The following WDR49 variants were observed in gnomAD, a reference collection of about 807,000 sequenced individuals.
WDR49 encodes WD repeat domain 49.
A neutral mutation model predicts 119.5 loss-of-function variants in WDR49; 107 were observed. The ratio of observed to expected loss-of-function variants is 0.90; its 90% confidence interval spans 0.77 to 1.05. The LOEUF (loss-of-function observed/expected upper bound fraction) is 1.05, where lower values mean the gene tolerates loss of function less well. Among genes scored for constraint, WDR49 ranks in the 50% least tolerant of loss-of-function variants. The pLI, the probability that WDR49 is intolerant of heterozygous loss-of-function variation, is 0.00. For synonymous variants in WDR49, 425 were observed against 418.8 expected, an observed-to-expected ratio of 1.01 and a Z score of -0.18; for missense variants, 1,240 against 1,220.5, an observed-to-expected ratio of 1.02 and a Z score of -0.24.
upstream of WDR49, among the ~76,000 whole-genome samples, chr3:167,656,403 T>C (rs1269942641): frequency 6.6e-6 from 1 of 152,186 alleles, no homozygotes; most frequent in Non-Finnish European, 1.5e-5. Flanking sequence ...TGGGCTTAGT[T>C]CAGTAGCAGA....
At chr3:167,574,270 G>A (rs887226703) in intron 8 of WDR49, among the ~76,000 whole-genome samples, 3 of 152,118 alleles carry the variant, frequency 2.0e-5, no homozygotes, top group African/African-American at 4.8e-5. Context: ...TTCTTGGTAC[G>A]ACACTTGTTC....
chr3:167,595,247 C>T lies in WDR49; in HGVS notation c.1275+6880G>A, dbSNP rs868666051. Among the ~76,000 whole-genome samples, 26 of 152,244 alleles carry T rather than the reference C, an allele frequency of 1.7e-4. No individual in the cohort carries two copies. The Middle Eastern group carries it at 0.017, about 100-fold the overall frequency. On this transcript the variant is annotated intron_variant, in intron 7 of 18. Transcript: ENST00000682715. ...TACAAACAAATGGAAGAATATTCCACGCTCATGGGTAGGAAGAATCAATAT... is the reference window on the plus strand; with the variant it reads ...TACAAACAAATGGAAGAATATTCCATGCTCATGGGTAGGAAGAATCAATAT...
At chr3:167,613,437 C>G (rs571997508) in intron 5 of WDR49, among the ~76,000 whole-genome samples, 17 of 152,320 alleles carry the variant, frequency 1.1e-4, no homozygotes, top group African/African-American at 3.8e-4. Flanking sequence ...CGGATTTCAA[C>G]TGCTTTAAAC....
intron 7 of WDR49, among the ~76,000 whole-genome samples, chr3:167,591,838 T>A (rs1715131723): frequency 6.6e-6 from 1 of 152,138 alleles, no homozygotes; most frequent in Non-Finnish European, 1.5e-5. Context: ...TGTTTTTTTT[T>A]ATCCAATCAC....
intron 11 of WDR49, among the ~76,000 whole-genome samples, chr3:167,536,607 C>A (rs1038846718): frequency 6.6e-6 from 1 of 150,740 alleles, no homozygotes; most frequent in Non-Finnish European, 1.5e-5. Context: ...TTGAACCTGG[C>A]AGGTGGAGGT....
intron 8 of WDR49, among the ~76,000 whole-genome samples, chr3:167,560,773 TGATA>T (rs959042240): frequency 2.1e-5 from 3 of 142,222 alleles, no homozygotes; most frequent in African/African-American, 8.0e-5. Flanking sequence ...ACACAATTAT[TGATA>T]GATTACTAAA....
chr3:167,519,450 C>T (rs1020239801), intron 16 of WDR49, among the ~76,000 whole-genome samples: 1 of 152,140 alleles, frequency 6.6e-6, no homozygotes, highest in Non-Finnish European at 1.5e-5. Flanking sequence ...GAATACTATA[C>T]AGCCACAAAA....
At chr3:167,591,442 CTGA>C (rs1458613322) in intron 7 of WDR49, among the ~76,000 whole-genome samples, 1 of 151,972 alleles carries the variant, frequency 6.6e-6, no homozygotes, top group African/African-American at 2.4e-5. Context: ...AGTGCAAAGT[CTGA>C]TGTTTCTTTG....
intron 8 of WDR49, among the ~76,000 whole-genome samples, chr3:167,563,307 T>C (rs1410520790): frequency 7.8e-6 from 1 of 127,762 alleles, no homozygotes; most frequent in South Asian, 2.3e-4. Context: ...TGAGCCAAGA[T>C]AGCGCCACCG....
At chr3:167,602,388 G>T in intron 6 of WDR49, 113 bp from the exon 7 acceptor site, 1 of 931,644 alleles carries the variant, frequency 1.1e-6, no homozygotes. Context: ...GTCAACTGTA[G>T]GTTGACTAAT....
At chr3:167,577,080 T>C (rs1384430765) in intron 7 of WDR49, among the ~76,000 whole-genome samples, 3 of 152,182 alleles carry the variant, frequency 2.0e-5, no homozygotes, top group African/African-American at 7.2e-5. Context: ...ATAAATGACA[T>C]GCATTTACCA....
At chr3:167,645,324 C>G (rs1003213657) in intron 2 of WDR49, among the ~76,000 whole-genome samples, 2 of 152,096 alleles carry the variant, frequency 1.3e-5, no homozygotes, top group Non-Finnish European at 2.9e-5. Context: ...AATTCTCCCC[C>G]CTCAGCCTCC....
intron 3 of WDR49, among the ~76,000 whole-genome samples, chr3:167,622,527 T>A (rs1296630590): frequency 6.6e-6 from 1 of 152,150 alleles, no homozygotes; most frequent in African/African-American, 2.4e-5. Context: ...AAGGTAAGAT[T>A]TACATCTGCC....
intron 8 of WDR49, among the ~76,000 whole-genome samples, chr3:167,561,218 T>TAC (rs1472374853): frequency 6.6e-6 from 1 of 152,176 alleles, no homozygotes; most frequent in Non-Finnish European, 1.5e-5. Context: ...CCATCATGCA[T>TAC]ACATTCATTC....
At chr3:167,547,516 A>G (rs1306528053) in intron 10 of WDR49, among the ~76,000 whole-genome samples, 5 of 151,860 alleles carry the variant, frequency 3.3e-5, no homozygotes, top group Non-Finnish European at 7.4e-5. Context: ...TGACCAAGAC[A>G]AAGATGTTCA....
chr3:167,528,875 C>A (rs946852312), intron 14 of WDR49, among the ~76,000 whole-genome samples, 177 bp downstream of exon 14: 2 of 151,900 alleles, frequency 1.3e-5, no homozygotes, highest in Admixed American at 1.3e-4. Flanking sequence ...ACATGATTTT[C>A]CTCATTAATT....
rs545925815 is a variant in WDR49 at position 167,639,588 on chromosome 3, A to G, written c.166-12296T>C. ...ATCTCATACTGTTTTGATAAAAGCT[A>G]TCTATTTAGAAGCCTAAAGCTTTAT... On this transcript the variant is annotated intron_variant, in intron 2 of 18. Transcript: ENST00000682715. Among the ~76,000 whole-genome samples, 20 of 151,938 alleles carry G rather than the reference A, an allele frequency of 1.3e-4. No individual in the cohort carries two copies. In the South Asian group the frequency reaches 3.7e-3, roughly 28 times the overall value.
chr3:167,610,983 T>C (rs1351914760), intron 5 of WDR49, among the ~76,000 whole-genome samples: 1 of 152,154 alleles, frequency 6.6e-6, no homozygotes, highest in Non-Finnish European at 1.5e-5. Flanking sequence ...CAATGGGCAA[T>C]GAATAGTCAC....
chr3:167,630,472 G>A (rs1471765500), intron 2 of WDR49, among the ~76,000 whole-genome samples: 1 of 152,056 alleles, frequency 6.6e-6, no homozygotes, highest in Admixed American at 6.6e-5. Flanking sequence ...CTTTACTGCA[G>A]TGGTCTGGAA....
Sources: gnomAD v4.1 joint callset for allele counts (sites outside exome capture counted in the v4.1 genomes callset) on GRCh38, gnomAD v4.1.1 for gene constraint, MANE v1.5 for transcripts, NCBI Gene and HGNC (gene_info 2026-07-23, HGNC 2026-07-21) for gene names.